PLCG2: variants seen among roughly 807,000 people sequenced by gnomAD.
The protein encoded by PLCG2 is phospholipase C gamma 2.
Under a neutral mutation model 175.6 loss-of-function variants are expected in PLCG2, and 69 were observed. The observed-to-expected ratio is 0.39, with a 90% confidence interval of 0.32 to 0.48. The LOEUF (loss-of-function observed/expected upper bound fraction) is 0.48. PLCG2 is among the 20% of genes least tolerant of loss of function. The pLI, the probability that PLCG2 is intolerant of heterozygous loss-of-function variation, is 0.91. For synonymous variants in PLCG2, 827 were observed against 624.0 expected, an observed-to-expected ratio of 1.33 and a Z score of -4.85; for missense variants, 1,798 against 1,650.9, an observed-to-expected ratio of 1.09 and a Z score of -1.54.
At chr16:81,793,854 A>G (rs1017824509) in intron 2 of PLCG2, among the ~76,000 whole-genome samples, 2 of 152,188 alleles carry the variant, frequency 1.3e-5, no homozygotes, top group Non-Finnish European at 2.9e-5. Flanking sequence ...TGACATGCCC[A>G]AGTTAAGGAA....
At chr16:81,923,760 A>G (rs1026047348) in intron 22 of PLCG2, among the ~76,000 whole-genome samples, 166 bp downstream of exon 22, 10 of 152,190 alleles carry the variant, frequency 6.6e-5, no homozygotes, top group Non-Finnish European at 1.2e-4. Flanking sequence ...TGCATGCTCT[A>G]TTTGAGAAAA....
chr16:81,938,509 G>C, intron 28 of PLCG2: 1 of 439,394 alleles, frequency 2.3e-6, no homozygotes, highest in Non-Finnish European at 4.1e-6. Flanking sequence ...GCCTTGATCA[G>C]AGGCACCTGC....
chr16:81,755,218 A>T (rs1402574448), intron 1 of PLCG2, among the ~76,000 whole-genome samples: 7 of 151,980 alleles, frequency 4.6e-5, no homozygotes, highest in African/African-American at 1.7e-4. Context: ...ATTTTTTGAG[A>T]CAAGGCCTCA....
intron 25 of PLCG2, among the ~76,000 whole-genome samples, chr16:81,934,107 G>A (rs1301907484): frequency 6.6e-6 from 1 of 152,126 alleles, no homozygotes; most frequent in Non-Finnish European, 1.5e-5. Context: ...TTTAGGGGAG[G>A]GGACAGGAGG....
In PLCG2 at chr16:81,859,131, G is replaced by T. The variant is rs1316325819; in HGVS notation, c.447G>T (p.Gln149His). 6.3e-7 allele frequency: 1 copy of T among 1,595,298 alleles called. No individual in the cohort carries two copies. Among genetic ancestry groups the T allele is most frequent in the Admixed American group, 1.7e-5 (1 of 59,948 alleles). ...TTCTTTCCAGTTGGCTGAGAAAGCA[G>T]ATATATTCTGTGGATCAAACCAGAA... ...PTIIESWLRKQIYSVDQTRRN... is the reference protein window; with the variant it reads ...PTIIESWLRKHIYSVDQTRRN... Residue 149 changes from glutamine to histidine, a missense_variant, in exon 5 of 33, where the codon CAG becomes CAT. Gln to His is a conservative substitution (Grantham distance 24). Transcript: ENST00000564138.
In PLCG2 at chr16:81,874,948, G is replaced by GTTTTTTTGTTTTTTTGTTCTTTTTTTTT. The variant is rs1907695346; in HGVS notation, c.648+4020_648+4021insGTTTTTTTGTTCTTTTTTTTTTTTTTTT. 7.4e-5 allele frequency among the ~76,000 whole-genome samples: 3 copies of GTTTTTTTGTTTTTTTGTTCTTTTTTTTT among 40,770 alleles called. 1 individual carries two copies. 26.7% of individuals were successfully genotyped at this position (40,770 alleles called of 152,430 possible). ...CTATTTGCTAGGCACTATCCTATGT[G>GTTTTTTTGTTTTTTTGTTCTTTTTTTTT]TTTTTTTTTTTTTTTTTTTTTTTTT... On this transcript the variant is annotated intron_variant, in intron 7 of 32. Transcript: ENST00000564138.
rs565439598 is a variant in PLCG2, at chr16:81,928,898, T to C, written c.2581+274T>C. On this transcript the variant is annotated intron_variant, in intron 24 of 32. Coordinates refer to ENST00000564138, the MANE Select transcript of PLCG2 (RefSeq NM_002661.5). ...GATATTATTACCAGCGTCACTCTTATTATTTCAGGATCCATCTGTGTTTCC... is the reference window on the plus strand; with the variant it reads ...GATATTATTACCAGCGTCACTCTTACTATTTCAGGATCCATCTGTGTTTCC... The C allele has an allele frequency of 1.0e-5, 4 of 401,182 alleles. No individual in the cohort carries two copies. The East Asian group carries it at 1.0e-4, about 10-fold the overall frequency. 24.9% of individuals were successfully genotyped at this position (401,182 alleles called of 1,614,324 possible).
intron 2 of PLCG2, among the ~76,000 whole-genome samples, chr16:81,834,544 T>C (rs770113544): frequency 6.6e-6 from 1 of 152,120 alleles, no homozygotes; most frequent in Non-Finnish European, 1.5e-5. Flanking sequence ...GCTGAGATGA[T>C]GGACAGAGAG....
intron 2 of PLCG2, among the ~76,000 whole-genome samples, chr16:81,808,594 A>G (rs923447473): frequency 2.1e-4 from 32 of 152,126 alleles, no homozygotes; most frequent in Non-Finnish European, 7.4e-5. Flanking sequence ...CCCAGATTCA[A>G]GCCATTCTCC....
chr16:81,858,214 G>A (rs751179499), intron 3 of PLCG2, 49 bp from the exon 4 acceptor site: 54 of 1,294,706 alleles, frequency 4.2e-5, no homozygotes, highest in African/African-American at 2.3e-4. Context: ...GTAAGCAGAC[G>A]TCTTCCCAGG....
At chr16:81,879,932 C>T (rs1004412885) in intron 7 of PLCG2, among the ~76,000 whole-genome samples, 6 of 152,238 alleles carry the variant, frequency 3.9e-5, no homozygotes, top group Non-Finnish European at 7.3e-5. Flanking sequence ...TTCTTGCCTT[C>T]GAAGATTAGA....
chr16:81,779,118 G>A (rs1597312883), upstream of PLCG2: 1 of 152,390 alleles, frequency 6.6e-6, no homozygotes, highest in South Asian at 2.1e-4. Context: ...CAGAGGCGGG[G>A]CTCCAGGCCT....
In PLCG2 at chr16:81,864,990, C is replaced by G. The variant is rs1907158940; in HGVS notation, c.480-4224C>G. 2.6e-5 allele frequency among the ~76,000 whole-genome samples: 4 copies of G among 152,210 alleles called. No homozygotes were observed. In the South Asian group the frequency reaches 8.3e-4, roughly 32 times the overall value. On this transcript the variant is annotated intron_variant, in intron 5 of 32. Transcript: ENST00000564138. The stretch of plus-strand genomic sequence containing the variant: ...AGGTTGAGCTCCCAGGAAACATGAT[C>G]TGAGACGCAGGTTTGTGTGCAGGAG...
chr16:81,757,602 T>G (rs1206608007), intron 2 of PLCG2, among the ~76,000 whole-genome samples: 1 of 152,096 alleles, frequency 6.6e-6, no homozygotes, highest in Non-Finnish European at 1.5e-5. Flanking sequence ...AAAAAGCTGT[T>G]GTTTCACATT....
rs192120146 is a variant in PLCG2, at chr16:81,891,069, A to T, written c.868-403A>T. 6.2e-4 allele frequency among the ~76,000 whole-genome samples: 94 copies of T among 152,272 alleles called. 2 individuals are homozygous for T. Among genetic ancestry groups the T allele is most frequent in the Admixed American group, 2.9e-3 (45 of 15,296 alleles). ...TCCTAGCTGCTTGGGAGGTTGAGGC[A>T]GGAGAATCGCTTCAACCCAGGAGGT... On this transcript the variant is annotated intron_variant, in intron 10 of 32. Transcript: ENST00000564138.
Position 81,866,649 on chromosome 16 carries a change from A to G in PLCG2, c.480-2565A>G, listed in dbSNP as rs111464711. Among the ~76,000 whole-genome samples the G allele has an allele frequency of 1.7e-3, 161 of 93,592 alleles. 2 individuals are homozygous for G. Among genetic ancestry groups the G allele is most frequent in the African/African-American group, 5.5e-3 (156 of 28,194 alleles). The allele number at this position is 93,592 out of a possible 152,430, so 61.4% of individuals were successfully genotyped here. On this transcript the variant is annotated intron_variant, in intron 5 of 32. Coordinates refer to ENST00000564138, the MANE Select transcript of PLCG2 (RefSeq NM_002661.5). The stretch of plus-strand genomic sequence containing the variant: ...TGGCCTCTCCCTTGCTCCCAGGATG[A>G]GCTCCACTGGGGCACCAGCGTGAGA...
chr16:81,844,316 T>C (rs1056656583), intron 2 of PLCG2, among the ~76,000 whole-genome samples: 1 of 150,796 alleles, frequency 6.6e-6, no homozygotes, highest in Non-Finnish European at 1.5e-5. Flanking sequence ...TCTTTTCCTT[T>C]CTTTTCTTTC....
intron 7 of PLCG2, among the ~76,000 whole-genome samples, chr16:81,872,461 TAGGC>T (rs1474529971): frequency 6.6e-6 from 1 of 152,212 alleles, no homozygotes; most frequent in African/African-American, 2.4e-5. Context: ...GTTGGGAAGA[TAGGC>T]AGGAAGGATA....
chr16:81,803,848 A>G (rs1911872137), intron 2 of PLCG2, among the ~76,000 whole-genome samples: 1 of 151,898 alleles, frequency 6.6e-6, no homozygotes, highest in Non-Finnish European at 1.5e-5. Context: ...CACCTGGCTA[A>G]GTTTTGTATT....
Sources: allele counts gnomAD v4.1 joint callset (sites outside exome capture counted in the v4.1 genomes callset), GRCh38; gene constraint gnomAD v4.1.1; transcripts MANE v1.5; gene names NCBI Gene and HGNC (gene_info 2026-07-23, HGNC 2026-07-21).